The following RRBP1 variants were observed in gnomAD, a reference collection of about 807,000 sequenced individuals.
RRBP1 encodes the protein ribosome-binding protein 1.
In RRBP1, 94 loss-of-function variants were observed where a neutral mutation model predicts 165.2. The ratio of observed to expected loss-of-function variants is 0.57; its 90% CI spans 0.48 to 0.68. The LOEUF (loss-of-function observed/expected upper bound fraction) is 0.68, where lower values mean the gene tolerates loss of function less well. Among genes scored for constraint, RRBP1 ranks in the 30% least tolerant of loss-of-function variants. The pLI is 0.00. For missense variants in RRBP1, 1,676 were observed against 1,763.0 expected, an observed-to-expected ratio of 0.95 and a Z score of 0.88; for synonymous variants, 680 against 714.5, an observed-to-expected ratio of 0.95 and a Z score of 0.77.
chr20:17,660,242 G>T lies in RRBP1; in HGVS notation c.266C>A (p.Ala89Asp), dbSNP rs765455123. 1 of 1,611,812 alleles carries T rather than the reference G, an allele frequency of 6.2e-7. No homozygotes were observed. Among genetic ancestry groups the T allele is most frequent in the African/African-American group, 1.3e-5 (1 of 74,902 alleles). ...PNGKIPDHDP[A>D]PNVTVLLREP... ...TCGAAGGAGGACAGTCACATTGGGG[G>T]CTGGATCATGATCAGGTATCTTCCC... is the stretch of plus-strand genomic sequence containing the variant. The change falls in exon 3 of 25, where the codon GCC becomes GAC. Residue 89 changes from alanine (A) to aspartate (D), a missense_variant. Ala to Asp is a moderately radical substitution (Grantham distance 126). Coordinates refer to ENST00000377813, the MANE Select transcript of RRBP1 (RefSeq NM_001365613.2).
chr20:17,628,956 G>C (rs6034869), intron 9 of RRBP1, among the ~76,000 whole-genome samples: 3,775 of 152,244 alleles, frequency 0.025, 151 homozygotes, highest in African/African-American at 0.087. Flanking sequence ...ACAGAGACTG[G>C]CCAGAAGCAT....
chr20:17,622,629 G>A lies in RRBP1; in HGVS notation c.3148-682C>T, dbSNP rs372542630. 5.3e-5 allele frequency among the ~76,000 whole-genome samples: 8 copies of A among 151,994 alleles called. No individual in the cohort carries two copies. The South Asian group carries it at 6.2e-4, about 12-fold the overall frequency. Reference sequence around the variant, plus strand: ...CCTCAGTCCTCAACGAAGAGCCAGCGGCCCCCATTCAAAGCACAACAAAGA... The same window carrying A: ...CCTCAGTCCTCAACGAAGAGCCAGCAGCCCCCATTCAAAGCACAACAAAGA... On this transcript the variant is annotated intron_variant, in intron 13 of 24. Coordinates refer to ENST00000377813, the MANE Select transcript of RRBP1 (RefSeq NM_001365613.2).
At chr20:17,622,099 G>C (rs2035927446) in intron 13 of RRBP1, 152 bp from the exon 14 acceptor site, 7 of 643,554 alleles carry the variant, frequency 1.1e-5, no homozygotes, top group African/African-American at 1.8e-5. Flanking sequence ...GAGAAGATGA[G>C]GCTCCATGGG....
chr20:17,622,359 A>G (rs2035932544), intron 13 of RRBP1, among the ~76,000 whole-genome samples: 1 of 151,988 alleles, frequency 6.6e-6, no homozygotes, highest in South Asian at 2.1e-4. Flanking sequence ...ATGGGAGGAC[A>G]CTCATGGCCC....
chr20:17,658,473 T>C, intron 3 of RRBP1, 123 bp downstream of exon 3: 3 of 803,234 alleles, frequency 3.7e-6, no homozygotes, highest in Non-Finnish European at 5.6e-6. Flanking sequence ...TTTTTTTGAA[T>C]GTTTGTTACG....
intron 2 of RRBP1, among the ~76,000 whole-genome samples, chr20:17,668,325 T>C (rs1476212843): frequency 1.3e-5 from 2 of 152,202 alleles, no homozygotes; most frequent in African/African-American, 2.4e-5. Flanking sequence ...CAGTCCTTCG[T>C]TATTCGATTT....
At chr20:17,652,788 G>A (rs188692523) in intron 3 of RRBP1, among the ~76,000 whole-genome samples, 6 of 152,218 alleles carry the variant, frequency 3.9e-5, no homozygotes, top group Non-Finnish European at 2.9e-5. Context: ...AGGAACCCAC[G>A]GTCTAACGTG....
At position 17,625,565 on chromosome 20, in the gene RRBP1, T is replaced by C. The variant is rs377338330; in HGVS notation, c.3001A>G (p.Lys1001Glu). 6 of 1,613,754 alleles carry C rather than the reference T, an allele frequency of 3.7e-6. No homozygotes were observed. Among genetic ancestry groups the C allele is most frequent in the African/African-American group, 1.3e-5 (1 of 74,862 alleles). Reference protein sequence around the residue: ...ELESQVSGLEKEAIELREAVE... With the variant: ...ELESQVSGLEEEAIELREAVE... ...GCCTCCCTGAGCTCGATGGCCTCCT[T>C]CTCCAGACCCGACACCTGGGACTCC... Residue 1001 changes from lysine to glutamate, a missense_variant, in exon 12 of 25, where the codon AAG becomes GAG. By Grantham distance (56) the Lys-to-Glu change is moderately conservative (BLOSUM62 1). This residue lies in a region of RRBP1 where 1,184 missense variants were observed against 1,167.1 expected (regional missense o/e 1.01). Transcript: ENST00000377813.
At chr20:17,625,677 T>A (rs1688194072) in intron 11 of RRBP1, 75 bp from the exon 12 acceptor site, 3 of 1,240,494 alleles carry the variant, frequency 2.4e-6, no homozygotes, top group Middle Eastern at 1.9e-4. Flanking sequence ...TGAGGCCCCA[T>A]CCAGGGAGGA....
chr20:17,680,949 G>A (rs950423639), intron 1 of RRBP1, among the ~76,000 whole-genome samples: 2 of 152,130 alleles, frequency 1.3e-5, no homozygotes, highest in East Asian at 1.9e-4. Context: ...CAACTTGGTC[G>A]GGGTCACCCT....
At chr20:17,664,468 T>C (rs1021159298) in intron 2 of RRBP1, among the ~76,000 whole-genome samples, 1 of 152,292 alleles carries the variant, frequency 6.6e-6, no homozygotes, top group South Asian at 2.1e-4. Context: ...ACTCAGACTG[T>C]AAGACAAAAA....
At chr20:17,617,965 G>A (rs2122242702) in intron 20 of RRBP1, among the ~76,000 whole-genome samples, 1 of 152,370 alleles carries the variant, frequency 6.6e-6, no homozygotes, top group East Asian at 1.9e-4. Flanking sequence ...CTGCCAAGGA[G>A]CTGGGACTTG....
chr20:17,625,633 G>A (rs751967288), intron 11 of RRBP1, 31 bp from the exon 12 acceptor site: 29 of 1,575,324 alleles, frequency 1.8e-5, no homozygotes, highest in Non-Finnish European at 2.4e-5. Context: ...CACCGCCTAG[G>A]CTCCAAGGGG....
At chr20:17,651,671 C>G (rs560039516) in intron 3 of RRBP1, among the ~76,000 whole-genome samples, 2 of 152,158 alleles carry the variant, frequency 1.3e-5, no homozygotes, top group Admixed American at 6.5e-5. Flanking sequence ...CCCCGGGAAG[C>G]GGATGGTGAT....
chr20:17,617,697 C>T (rs1433102999), intron 20 of RRBP1, among the ~76,000 whole-genome samples: 1 of 152,246 alleles, frequency 6.6e-6, no homozygotes, highest in African/African-American at 2.4e-5. Context: ...GCACTGCCCT[C>T]TGGTGTTCTG....
intron 3 of RRBP1, among the ~76,000 whole-genome samples, chr20:17,644,614 C>T (rs2036429576): frequency 6.6e-6 from 1 of 152,156 alleles, no homozygotes; most frequent in South Asian, 2.1e-4. Context: ...GCTGCTTCAG[C>T]CGGCGTCTAG....
intron 8 of RRBP1, among the ~76,000 whole-genome samples, chr20:17,632,570 T>A (rs2036170832): frequency 6.6e-6 from 1 of 152,230 alleles, no homozygotes; most frequent in South Asian, 2.1e-4. Flanking sequence ...TCTTAAAATT[T>A]CGTGTCTGTT....
chr20:17,625,578 C>A lies in RRBP1; in HGVS notation c.2988G>T (p.Val996=), dbSNP rs771297398. 6.2e-7 allele frequency: 1 copy of A among 1,614,044 alleles called. No individual in the cohort carries two copies. Among genetic ancestry groups the A allele is most frequent in the South Asian group, 1.1e-5 (1 of 91,090 alleles). ...QTRLKELESQ[V]SGLEKEAIEL... The stretch of plus-strand genomic sequence containing the variant: ...CGATGGCCTCCTTCTCCAGACCCGA[C>A]ACCTGGGACTCCAGCTCCTTGAGGC... Residue 996 remains valine (V), a synonymous_variant, in exon 12 of 25, where the codon GTG becomes GTT. Transcript: ENST00000377813.
intron 13 of RRBP1, among the ~76,000 whole-genome samples, chr20:17,624,323 T>G (rs966879344): frequency 6.6e-6 from 1 of 152,160 alleles, no homozygotes; most frequent in Admixed American, 6.5e-5. Context: ...CGTCTGTGTG[T>G]CCTAGTGCGT....
Sources: gnomAD v4.1 joint callset for allele counts (sites outside exome capture counted in the v4.1 genomes callset) on GRCh38, gnomAD v4.1.1 for gene constraint, gnomAD v4.1.1 regional missense constraint, MANE v1.5 for transcripts, NCBI Gene and HGNC (gene_info 2026-07-23, HGNC 2026-07-21) for gene names.